Variants in ZMYND19 observed in about 807,000 individuals in gnomAD.
ZMYND19 encodes the protein zinc finger MYND domain-containing protein 19.
ZMYND19 carries 17 observed loss-of-function variants against 32.0 expected under a neutral mutation model. That is an observed-to-expected ratio of 0.53 (90% CI 0.36 to 0.80). The LOEUF (loss-of-function observed/expected upper bound fraction) is 0.80, where lower values mean the gene tolerates loss of function less well. Ranked by LOEUF, ZMYND19 falls within the 30% of genes least tolerant of loss-of-function variation. The pLI, the probability that ZMYND19 is intolerant of heterozygous loss-of-function variation, is 0.00. For missense variants in ZMYND19, 250 were observed against 293.6 expected, an observed-to-expected ratio of 0.85 and a Z score of 1.09; for synonymous variants, 124 against 113.6, an observed-to-expected ratio of 1.09 and a Z score of -0.58.
intron 1 of ZMYND19, chr9:137,589,195 G>T: frequency 3.5e-6 from 1 of 287,212 alleles, no homozygotes; most frequent in Non-Finnish European, 5.2e-6. Flanking sequence ...AAAGCTGTAA[G>T]GGATGACAAT....
In ZMYND19 at chr9:137,590,101, C is replaced by A; in HGVS notation, c.51+112G>T. 1 of 982,564 alleles carries A rather than the reference C, an allele frequency of 1.0e-6. No homozygotes were observed. Among genetic ancestry groups the A allele is most frequent in the South Asian group, 4.6e-5 (1 of 21,764 alleles). The allele number at this position is 982,564 out of a possible 1,614,324, so 60.9% of individuals were successfully genotyped here. A position where few individuals can be genotyped will look rare whatever the true frequency, so the allele number is the denominator to read the frequency against. ...CAGCGTCCCCCGCCCCGCTGGGGCC[C>A]ATCCCGGGCTCCGCGCCCCCGCCCC... On this transcript the variant is annotated intron_variant, in intron 1 of 5. Transcript: ENST00000298585. The surrounding 1 kb of genome is among the most constrained non-coding windows in gnomAD (Gnocchi z 4.2).
intron 1 of ZMYND19, 162 bp from the exon 2 acceptor site, chr9:137,588,880 T>C: frequency 1.4e-6 from 1 of 719,374 alleles, no homozygotes; most frequent in Non-Finnish European, 2.3e-6. Flanking sequence ...GGGGGCCTCA[T>C]TCCACCGTTT....
chr9:137,586,870 A>G, intron 4 of ZMYND19, 97 bp downstream of exon 4: 1 of 1,517,066 alleles, frequency 6.6e-7, no homozygotes, highest in Non-Finnish European at 9.0e-7. Flanking sequence ...CAGGGCTCAG[A>G]GGAGGAACAG....
chr9:137,584,649 CAGG>C (rs749977669), intron 4 of ZMYND19, among the ~76,000 whole-genome samples: 17 of 152,342 alleles, frequency 1.1e-4, no homozygotes, highest in East Asian at 7.7e-4. Flanking sequence ...TGGGACAACG[CAGG>C]AGGAGATGCT....
chr9:137,590,096 G>A lies in ZMYND19; in HGVS notation c.51+117C>T. The A allele has an allele frequency of 2.0e-6, 2 of 983,080 alleles. No homozygotes were observed. Among genetic ancestry groups the A allele is most frequent in the South Asian group, 9.2e-5 (2 of 21,752 alleles). 60.9% of individuals were successfully genotyped at this position (983,080 alleles called of 1,614,324 possible). A position where few individuals can be genotyped will look rare whatever the true frequency, so the allele number is the denominator to read the frequency against. On this transcript the variant is annotated intron_variant, in intron 1 of 5. Coordinates refer to ENST00000298585, the MANE Select transcript of ZMYND19 (RefSeq NM_138462.3). This position sits in a 1 kb window ranked among gnomAD's most constrained non-coding sequence, Gnocchi z 4.2. ...CCGCGCAGCGTCCCCCGCCCCGCTG[G>A]GGCCCATCCCGGGCTCCGCGCCCCC...
intron 1 of ZMYND19, chr9:137,589,975 A>AGGGCC (rs1842252973): frequency 1.0e-6 from 1 of 985,234 alleles, no homozygotes. Context: ...CCGGCAGGGC[A>AGGGCC]GGGCCGAGGG....
chr9:137,587,193 T>C (rs968212426), intron 3 of ZMYND19, 86 bp from the exon 4 acceptor site: 5 of 1,544,458 alleles, frequency 3.2e-6, no homozygotes, highest in Admixed American at 1.9e-5. Context: ...ACCAAAGTCC[T>C]TCCAGGAAGA....
At chr9:137,588,516 C>T (rs909387907) in intron 2 of ZMYND19, 143 bp downstream of exon 2, 10 of 874,864 alleles carry the variant, frequency 1.1e-5, no homozygotes, top group African/African-American at 3.3e-5. Flanking sequence ...GTGGGGCTGA[C>T]GGCTCAGGGC....
At chr9:137,586,095 C>G (rs563423769) in intron 4 of ZMYND19, among the ~76,000 whole-genome samples, 1 of 152,248 alleles carries the variant, frequency 6.6e-6, no homozygotes, top group African/African-American at 2.4e-5. Context: ...AACCGCCCTC[C>G]CAGGTGGGAA....
Position 137,587,826 on chromosome 9 carries a change from G to C in ZMYND19, c.112-3C>G. On this transcript the variant is annotated splice_region_variant and splice_polypyrimidine_tract_variant and intron_variant, in intron 2 of 5. Coordinates refer to ENST00000298585, the MANE Select transcript of ZMYND19 (RefSeq NM_138462.3). ...TCTGCATCCACTTCCATTCGGGCCT[G>C]AGAAGGAACAAGGGAAAGAGCTGTT... 2 of 1,613,772 alleles carry C rather than the reference G, an allele frequency of 1.2e-6. No individual in the cohort carries two copies. Among genetic ancestry groups the C allele is most frequent in the Non-Finnish European group, 1.7e-6 (2 of 1,179,686 alleles).
At chr9:137,588,766 G>A (rs997420782) in intron 1 of ZMYND19, 48 bp from the exon 2 acceptor site, 3 of 1,607,650 alleles carry the variant, frequency 1.9e-6, no homozygotes, top group African/African-American at 1.3e-5. Context: ...GGATCTGCGT[G>A]AGGTGCAGTA....
In ZMYND19 at chr9:137,590,174, G is replaced by C. The variant is rs1199671079; in HGVS notation, c.51+39C>G. 54 of 1,015,668 alleles carry C rather than the reference G, an allele frequency of 5.3e-5. No individual in the cohort carries two copies. In the African/African-American group the frequency reaches 9.9e-4, roughly 19 times the overall value. 62.9% of individuals were successfully genotyped at this position (1,015,668 alleles called of 1,614,324 possible). On this transcript the variant is annotated intron_variant, in intron 1 of 5. Transcript: ENST00000298585. The surrounding 1 kb of genome is among the most constrained non-coding windows in gnomAD (Gnocchi z 4.2). ...CCCGGCCCCGCGCGGAGGCCTGGAC[G>C]GGCGAGACGGGCCGGGTCGCGGGCT...
At chr9:137,586,555 G>C (rs547161242) in intron 4 of ZMYND19, among the ~76,000 whole-genome samples, 1 of 150,744 alleles carries the variant, frequency 6.6e-6, no homozygotes, top group South Asian at 2.1e-4. Context: ...CCTGAGGTGA[G>C]AGAAGGAAGG....
chr9:137,582,879 G>A (rs1213012261), intron 5 of ZMYND19, 104 bp downstream of exon 5: 31 of 1,534,772 alleles, frequency 2.0e-5, no homozygotes, highest in Admixed American at 3.6e-5. Flanking sequence ...GGTGCTAAGC[G>A]GTCTCTGGGG....
chr9:137,588,330 C>T (rs989984780), intron 2 of ZMYND19, among the ~76,000 whole-genome samples: 1 of 152,224 alleles, frequency 6.6e-6, no homozygotes, highest in African/African-American at 2.4e-5. Flanking sequence ...GCAGGGTCTT[C>T]GAGCTAACAG....
chr9:137,583,658 G>A (rs569771097), intron 4 of ZMYND19, among the ~76,000 whole-genome samples: 31 of 104,834 alleles, frequency 3.0e-4, no homozygotes, highest in Non-Finnish European at 5.4e-4. Context: ...AGAGGCAAGC[G>A]TGGGCAGCCC....
intron 4 of ZMYND19, among the ~76,000 whole-genome samples, chr9:137,585,012 T>A (rs1300276586): frequency 6.6e-6 from 1 of 152,182 alleles, no homozygotes; most frequent in East Asian, 1.9e-4. Flanking sequence ...AAAAACCCCA[T>A]TCAACAATCG....
chr9:137,590,355 G>C lies in ZMYND19; in HGVS notation c.-92C>G. On this transcript the variant is annotated 5_prime_UTR_variant, in exon 1 of 6. Transcript: ENST00000298585. This position sits in a 1 kb window ranked among gnomAD's most constrained non-coding sequence, Gnocchi z 4.2. ...AGGCCGCGGCGCGCCGGGACAGGAC[G>C]GGACCGGAGCCGGGGTCGGGGTAGC... is the stretch of plus-strand genomic sequence containing the variant. The C allele has an allele frequency of 1.2e-6, 1 of 848,506 alleles. No individual in the cohort carries two copies. Among genetic ancestry groups the C allele is most frequent in the Non-Finnish European group, 1.4e-6 (1 of 704,014 alleles). 52.6% of individuals were successfully genotyped at this position (848,506 alleles called of 1,614,324 possible).
chr9:137,582,910 G>A, intron 5 of ZMYND19, 73 bp downstream of exon 5: 5 of 1,578,900 alleles, frequency 3.2e-6, no homozygotes, highest in Non-Finnish European at 4.3e-6. Flanking sequence ...CGCGGTGGAG[G>A]GCAAGATCCC....
Sources: gnomAD v4.1 joint callset for allele counts (sites outside exome capture counted in the v4.1 genomes callset) on GRCh38, gnomAD v4.1.1 for gene constraint, Gnocchi (gnomAD v3.1) non-coding constraint, MANE v1.5 for transcripts, NCBI Gene and HGNC (gene_info 2026-07-23, HGNC 2026-07-21) for gene names.